Variants in MARCHF3 observed in about 807,000 individuals in gnomAD.
MARCHF3 encodes the protein E3 ubiquitin-protein ligase MARCHF3.
In MARCHF3, 13 loss-of-function variants were observed where a neutral mutation model predicts 24.2. The ratio of observed to expected loss-of-function variants is 0.54; its 90% CI spans 0.35 to 0.85. MARCHF3 has a LOEUF of 0.85. Among genes scored for constraint, MARCHF3 ranks in the 40% least tolerant of loss-of-function variants. The probability of loss-of-function intolerance (pLI) is 0.01; values close to 1 mark genes in which losing one functional copy is unlikely to be tolerated. For missense variants in MARCHF3, 276 were observed against 325.0 expected, an observed-to-expected ratio of 0.85 and a Z score of 1.16; for synonymous variants, 144 against 137.3, an observed-to-expected ratio of 1.05 and a Z score of -0.34.
intron 3 of MARCHF3, among the ~76,000 whole-genome samples, chr5:126,890,255 A>G (rs989845029): frequency 3.5e-4 from 53 of 150,368 alleles, no homozygotes; most frequent in African/African-American, 1.2e-3. Context: ...CAGAAAAGAC[A>G]TACTTTTTTT....
At chr5:126,925,316 T>C (rs770583777) in intron 1 of MARCHF3, among the ~76,000 whole-genome samples, 2 of 152,230 alleles carry the variant, frequency 1.3e-5, no homozygotes, top group Non-Finnish European at 2.9e-5. Context: ...TAAAGTTATA[T>C]TCAGAGTTAC....
At chr5:126,949,661 A>C (rs181026427) in intron 1 of MARCHF3, among the ~76,000 whole-genome samples, 4 of 152,214 alleles carry the variant, frequency 2.6e-5, no homozygotes, top group Admixed American at 6.5e-5. Flanking sequence ...GTTTCCCCTT[A>C]CTTCCTTCCT....
At chr5:126,994,557 A>G (rs979474836) in intron 1 of MARCHF3, among the ~76,000 whole-genome samples, 9 of 152,230 alleles carry the variant, frequency 5.9e-5, no homozygotes, top group Non-Finnish European at 1.2e-4. Flanking sequence ...TCAGTGTAAA[A>G]TGTTCAATGT....
At position 126,870,953 on chromosome 5, in the gene MARCHF3, TGA is replaced by T. The variant is rs1241360880; in HGVS notation, c.604-164_604-163del. Among the ~76,000 whole-genome samples, 5 of 152,202 alleles carry T rather than the reference TGA, an allele frequency of 3.3e-5. 1 individual carries two copies. The highest frequency in any genetic ancestry group is 2.0e-4 in the Admixed American group (3 of 15,288). On this transcript the variant is annotated intron_variant, in intron 4 of 4. Transcript: ENST00000308660. ...AATGGCTCTGGCACGCAGTGAGTGT[TGA>T]GAGATTGGGCACCAGCCAAAGAGCA...
chr5:126,909,400 C>T (rs551678904), intron 3 of MARCHF3, among the ~76,000 whole-genome samples: 52 of 152,344 alleles, frequency 3.4e-4, no homozygotes, highest in African/African-American at 1.2e-3. Context: ...TGGGCAATGG[C>T]GGGCGCCCCT....
At chr5:126,943,805 G>C (rs1300728157) in intron 1 of MARCHF3, among the ~76,000 whole-genome samples, 1 of 151,886 alleles carries the variant, frequency 6.6e-6, no homozygotes, top group Non-Finnish European at 1.5e-5. Flanking sequence ...TCAGATTCAT[G>C]AACCCTTACT....
chr5:126,887,803 C>T (rs1753553894), intron 3 of MARCHF3, among the ~76,000 whole-genome samples: 1 of 152,198 alleles, frequency 6.6e-6, no homozygotes, highest in Non-Finnish European at 1.5e-5. Flanking sequence ...ATCAGCTGTA[C>T]CTTTGCTTGA....
chr5:126,995,222 T>C (rs73786278), intron 1 of MARCHF3, among the ~76,000 whole-genome samples: 7,840 of 152,272 alleles, frequency 0.051, 375 homozygotes, highest in South Asian at 0.13. Flanking sequence ...ACTCTCGAGA[T>C]AGCACCCTGT....
chr5:126,891,622 G>C (rs1753695528), intron 3 of MARCHF3, among the ~76,000 whole-genome samples: 1 of 132,132 alleles, frequency 7.6e-6, no homozygotes, highest in African/African-American at 3.0e-5. Context: ...TATTTCTGAG[G>C]GCTCTGTTCT....
At chr5:126,970,712 G>T (rs985673826) in intron 1 of MARCHF3, among the ~76,000 whole-genome samples, 1 of 152,208 alleles carries the variant, frequency 6.6e-6, no homozygotes, top group African/African-American at 2.4e-5. Flanking sequence ...TTGGGCAAAA[G>T]AGTGATTTTC....
At chr5:126,882,852 C>T (rs766568108) in intron 3 of MARCHF3, among the ~76,000 whole-genome samples, 40 of 152,282 alleles carry the variant, frequency 2.6e-4, no homozygotes, top group South Asian at 8.3e-4. Context: ...ATTATTATCA[C>T]TGCCATTTTA....
At chr5:126,927,743 CACTT>C (rs1475765008) in intron 1 of MARCHF3, among the ~76,000 whole-genome samples, 1 of 152,186 alleles carries the variant, frequency 6.6e-6, no homozygotes, top group African/African-American at 2.4e-5. Flanking sequence ...CCCCTTAAGT[CACTT>C]AGCCACTCAG....
intron 3 of MARCHF3, among the ~76,000 whole-genome samples, chr5:126,880,701 C>T (rs1368220417): frequency 6.6e-6 from 1 of 152,158 alleles, no homozygotes; most frequent in Non-Finnish European, 1.5e-5. Context: ...ATTAAAATCG[C>T]AAGACATTTA....
At chr5:126,941,108 A>G (rs1176439275) in intron 1 of MARCHF3, among the ~76,000 whole-genome samples, 1 of 152,208 alleles carries the variant, frequency 6.6e-6, no homozygotes, top group Non-Finnish European at 1.5e-5. Flanking sequence ...CCTGTTTTAG[A>G]AAGAAATAGG....
intron 1 of MARCHF3, among the ~76,000 whole-genome samples, chr5:126,932,902 AAG>A (rs1749524722): frequency 6.6e-6 from 1 of 152,084 alleles, no homozygotes. Context: ...TTTTCTGGGG[AAG>A]AGATATCTTT....
intron 3 of MARCHF3, 149 bp downstream of exon 3, chr5:126,914,781 C>CACACACAT: frequency 1.5e-6 from 1 of 657,208 alleles, no homozygotes; most frequent in South Asian, 1.8e-5. Context: ...CACACACACA[C>CACACACAT]ACACACACAC....
At chr5:126,991,000 AG>A (rs1234566103) in intron 1 of MARCHF3, among the ~76,000 whole-genome samples, 9 of 152,222 alleles carry the variant, frequency 5.9e-5, no homozygotes, top group African/African-American at 2.2e-4. Flanking sequence ...CGATTTCTCA[AG>A]GATCTAGAAC....
At chr5:126,989,903 C>A (rs1354177102) in intron 1 of MARCHF3, among the ~76,000 whole-genome samples, 1 of 152,126 alleles carries the variant, frequency 6.6e-6, no homozygotes, top group Non-Finnish European at 1.5e-5. Flanking sequence ...GTGGGCAGAT[C>A]ACCTGAAGTC....
intron 1 of MARCHF3, among the ~76,000 whole-genome samples, chr5:127,019,707 C>A (rs886676713): frequency 6.6e-6 from 1 of 152,210 alleles, no homozygotes; most frequent in Non-Finnish European, 1.5e-5. Context: ...TTGATGACAT[C>A]ACTGTGCCAC....
Sources: allele counts gnomAD v4.1 joint callset (sites outside exome capture counted in the v4.1 genomes callset), GRCh38; gene constraint gnomAD v4.1.1; transcripts MANE v1.5; gene names NCBI Gene and HGNC (gene_info 2026-07-23, HGNC 2026-07-21).